The following TAFA5 variants were observed in gnomAD, a reference collection of about 807,000 sequenced individuals.
TAFA5 encodes chemokine-like protein TAFA-5.
In TAFA5, 6 loss-of-function variants were observed where a neutral mutation model predicts 15.3. That is an observed-to-expected ratio of 0.39 (90% CI 0.21 to 0.77). The LOEUF (loss-of-function observed/expected upper bound fraction) is 0.77. TAFA5 is among the 30% of genes least tolerant of loss of function. The pLI, the probability that TAFA5 is intolerant of heterozygous loss-of-function variation, is 0.41. For synonymous variants in TAFA5, 103 were observed against 80.7 expected (o/e 1.28, Z -1.48); for missense variants, 161 against 193.1 (o/e 0.83, Z 0.98).
chr22:48,607,472 T>A (rs1397231699), intron 1 of TAFA5, among the ~76,000 whole-genome samples: 5 of 138,188 alleles, frequency 3.6e-5, no homozygotes, highest in Non-Finnish European at 7.8e-5. Flanking sequence ...CTGGAGCAGG[T>A]CTGTCCCGGG....
chr22:48,713,653 C>T (rs1298559016), intron 3 of TAFA5, among the ~76,000 whole-genome samples: 3 of 152,228 alleles, frequency 2.0e-5, no homozygotes, highest in South Asian at 2.1e-4. Context: ...TGCTGAGCGT[C>T]GTCCACGGGG....
intron 2 of TAFA5, among the ~76,000 whole-genome samples, chr22:48,697,007 G>A (rs966018214): frequency 6.6e-6 from 1 of 152,218 alleles, no homozygotes; most frequent in Non-Finnish European, 1.5e-5. Context: ...GAAACCAGGG[G>A]CAAAAGGGCT....
chr22:48,671,773 C>T (rs1927811915), intron 2 of TAFA5, among the ~76,000 whole-genome samples: 1 of 152,152 alleles, frequency 6.6e-6, no homozygotes, highest in Non-Finnish European at 1.5e-5. Context: ...GTCCCTGGTG[C>T]CTGTCCCTGG....
chr22:48,640,485 G>C (rs1220006067), intron 1 of TAFA5, among the ~76,000 whole-genome samples: 1 of 152,298 alleles, frequency 6.6e-6, no homozygotes, highest in South Asian at 2.1e-4. Flanking sequence ...GCTTCTAAGG[G>C]GGGGCTTCCC....
At chr22:48,586,740 T>C (rs1310058769) in intron 1 of TAFA5, among the ~76,000 whole-genome samples, 2 of 152,184 alleles carry the variant, frequency 1.3e-5, no homozygotes, top group Non-Finnish European at 1.5e-5. Flanking sequence ...GTCTTTGAAG[T>C]GCAGTCTGGA....
intron 3 of TAFA5, among the ~76,000 whole-genome samples, chr22:48,716,878 G>A (rs1373278057): frequency 6.6e-6 from 1 of 152,162 alleles, no homozygotes; most frequent in Non-Finnish European, 1.5e-5. Flanking sequence ...CAATCTCTCA[G>A]AAAGCAGAGA....
intron 1 of TAFA5, among the ~76,000 whole-genome samples, chr22:48,586,665 G>C (rs1182448450): frequency 6.6e-6 from 1 of 152,246 alleles, no homozygotes; most frequent in Non-Finnish European, 1.5e-5. Context: ...GGTGTTCTCA[G>C]GATTTTGCCT....
chr22:48,579,543 G>GGA (rs973721309), intron 1 of TAFA5, among the ~76,000 whole-genome samples: 6 of 152,230 alleles, frequency 3.9e-5, no homozygotes, highest in African/African-American at 9.6e-5. Flanking sequence ...CGTGTGTCAC[G>GGA]GAGACGCGAG....
chr22:48,713,598 G>A (rs1929318766), intron 3 of TAFA5, among the ~76,000 whole-genome samples: 1 of 152,248 alleles, frequency 6.6e-6, no homozygotes, highest in African/African-American at 2.4e-5. Context: ...AAGGTTCTGT[G>A]GTCATCTCGT....
intron 1 of TAFA5, among the ~76,000 whole-genome samples, chr22:48,614,860 T>G (rs1438676210): frequency 6.6e-6 from 1 of 152,046 alleles, no homozygotes; most frequent in Non-Finnish European, 1.5e-5. Context: ...GCACTGGGGC[T>G]GGCCAGCTGG....
rs550130592 is a variant in TAFA5, at chr22:48,653,352, G to A, written c.262+6606G>A. On this transcript the variant is annotated intron_variant, in intron 2 of 3. Transcript: ENST00000402357. Reference sequence around the variant, plus strand: ...GACCCTGCCCCCGGTTCCCTAGGACGTGGATGTGAATTGCTTCAGTCCAGA... The same window carrying A: ...GACCCTGCCCCCGGTTCCCTAGGACATGGATGTGAATTGCTTCAGTCCAGA... Among the ~76,000 whole-genome samples the A allele has an allele frequency of 4.5e-4, 68 of 152,326 alleles. 1 individual carries two copies. The highest frequency in any genetic ancestry group is 1.3e-3 in the African/African-American group (55 of 41,574).
At chr22:48,583,426 CCA>C (rs923526928) in intron 1 of TAFA5, among the ~76,000 whole-genome samples, 3 of 150,108 alleles carry the variant, frequency 2.0e-5, no homozygotes, top group Non-Finnish European at 3.0e-5. Context: ...CACACACACA[CCA>C]CACACACAGT....
chr22:48,608,978 G>C (rs1371053659), intron 1 of TAFA5, among the ~76,000 whole-genome samples: 1 of 152,236 alleles, frequency 6.6e-6, no homozygotes. Flanking sequence ...CTGAGGAGTG[G>C]CGTGGGCAGG....
intron 1 of TAFA5, among the ~76,000 whole-genome samples, chr22:48,531,652 G>A (rs994246171): frequency 6.6e-6 from 1 of 150,942 alleles, no homozygotes; most frequent in Non-Finnish European, 1.5e-5. Context: ...CAGGAGAAAT[G>A]CCTTTAGACC....
At chr22:48,587,288 G>A (rs1321696129) in intron 1 of TAFA5, among the ~76,000 whole-genome samples, 1 of 152,176 alleles carries the variant, frequency 6.6e-6, no homozygotes, top group East Asian at 1.9e-4. Flanking sequence ...TTCATCTCAC[G>A]GGCCTCGGGG....
At chr22:48,512,607 T>C (rs133511) in intron 1 of TAFA5, among the ~76,000 whole-genome samples, 42,724 of 146,708 alleles carry the variant, frequency 0.29, 6,234 homozygotes, top group Middle Eastern at 0.38. Context: ...GCCTGGGTGA[T>C]AGAGCGAGAC....
chr22:48,687,328 C>T (rs1340696446), intron 2 of TAFA5, among the ~76,000 whole-genome samples: 1 of 144,362 alleles, frequency 6.9e-6, no homozygotes, highest in Non-Finnish European at 1.5e-5. Context: ...GGATGGTGGA[C>T]AGGTGGATGG....
intron 1 of TAFA5, among the ~76,000 whole-genome samples, chr22:48,645,507 A>G (rs1271886238): frequency 6.6e-6 from 1 of 152,018 alleles, no homozygotes; most frequent in Admixed American, 6.5e-5. Context: ...AGCCAGGGAA[A>G]TTATTTATGT....
intron 1 of TAFA5, chr22:48,576,583 C>A: frequency 1.4e-6 from 2 of 1,447,544 alleles, no homozygotes; most frequent in East Asian, 2.9e-5. Context: ...TAATTGTCCC[C>A]GGGCGCGCGG....
Sources: allele counts gnomAD v4.1 joint callset (sites outside exome capture counted in the v4.1 genomes callset), GRCh38; gene constraint gnomAD v4.1.1; transcripts MANE v1.5; gene names NCBI Gene and HGNC (gene_info 2026-07-23, HGNC 2026-07-21).